The following GABRB1 variants were observed in gnomAD, a reference collection of about 807,000 sequenced individuals.
The protein encoded by GABRB1 is gamma-aminobutyric acid receptor subunit beta-1.
GABRB1 carries 17 observed loss-of-function variants against 51.6 expected under a neutral mutation model. The ratio of observed to expected loss-of-function variants is 0.33; its 90% CI spans 0.23 to 0.49. The LOEUF (loss-of-function observed/expected upper bound fraction) is 0.49, where lower values mean the gene tolerates loss of function less well. GABRB1 is among the 20% of genes least tolerant of loss of function. GABRB1 has a pLI of 0.99. For missense variants in GABRB1, 410 were observed against 600.6 expected (o/e 0.68, Z 3.32); for synonymous variants, 247 against 218.9 (o/e 1.13, Z -1.14).
intron 8 of GABRB1, among the ~76,000 whole-genome samples, chr4:47,410,113 A>C (rs1234358222): frequency 6.6e-6 from 1 of 152,256 alleles, no homozygotes; most frequent in Non-Finnish European, 1.5e-5. Context: ...GAATTAAAGG[A>C]GAACGAATAA....
At chr4:47,421,706 G>C (rs374195926) in intron 8 of GABRB1, among the ~76,000 whole-genome samples, 3 of 152,054 alleles carry the variant, frequency 2.0e-5, no homozygotes, top group Admixed American at 2.0e-4. Context: ...AAGGCCCACT[G>C]TTACAAGAAG....
intron 3 of GABRB1, among the ~76,000 whole-genome samples, chr4:47,120,434 G>A (rs1330240290): frequency 6.6e-6 from 1 of 152,132 alleles, no homozygotes; most frequent in Non-Finnish European, 1.5e-5. Flanking sequence ...CTGGAACTGG[G>A]GACTCTGAGA....
intron 1 of GABRB1, among the ~76,000 whole-genome samples, chr4:47,026,515 C>T (rs190695160): frequency 3.9e-5 from 6 of 152,086 alleles, no homozygotes; most frequent in African/African-American, 9.6e-5. Context: ...TAAATGGCAA[C>T]ACTTTTTAAA....
chr4:47,234,347 C>A (rs903369702), intron 4 of GABRB1, among the ~76,000 whole-genome samples: 2 of 151,998 alleles, frequency 1.3e-5, no homozygotes, highest in East Asian at 1.9e-4. Context: ...ATTAGCCGGG[C>A]ATGGTGGTGC....
intron 3 of GABRB1, among the ~76,000 whole-genome samples, chr4:47,106,467 C>T (rs140882414): frequency 2.0e-5 from 3 of 152,018 alleles, no homozygotes; most frequent in Admixed American, 2.0e-4. Flanking sequence ...ATATAGTTAA[C>T]TTAAGCTTCA....
intron 4 of GABRB1, among the ~76,000 whole-genome samples, chr4:47,248,134 T>G (rs574392478): frequency 1.3e-5 from 2 of 152,178 alleles, no homozygotes; most frequent in African/African-American, 4.8e-5. Context: ...ATCAGTATTA[T>G]GTTGTGGGTC....
chr4:47,107,317 A>T (rs1315854390), intron 3 of GABRB1, among the ~76,000 whole-genome samples: 1 of 152,046 alleles, frequency 6.6e-6, no homozygotes, highest in African/African-American at 2.4e-5. Context: ...ATCCTTGCTA[A>T]AACTTTTCTG....
chr4:47,219,297 C>G (rs543738059), intron 4 of GABRB1, among the ~76,000 whole-genome samples: 2 of 151,878 alleles, frequency 1.3e-5, no homozygotes. Context: ...ATGAGATAGT[C>G]GCATAAGCCT....
intron 5 of GABRB1, among the ~76,000 whole-genome samples, chr4:47,348,619 C>T (rs1218823208): frequency 1.3e-5 from 2 of 152,092 alleles, no homozygotes; most frequent in Non-Finnish European, 1.5e-5. Context: ...TGGTTCCAAA[C>T]AATTCAAATA....
chr4:47,377,945 C>T (rs1727448052), intron 5 of GABRB1, among the ~76,000 whole-genome samples: 1 of 152,202 alleles, frequency 6.6e-6, no homozygotes, highest in African/African-American at 2.4e-5. Context: ...AGGTTCTCCA[C>T]GTCCCCACCA....
chr4:47,386,631 T>C (rs904752738), intron 5 of GABRB1, among the ~76,000 whole-genome samples: 9 of 152,174 alleles, frequency 5.9e-5, no homozygotes, highest in Non-Finnish European at 1.0e-4. Context: ...AAAGCAGACC[T>C]TGTGAGTGGG....
intron 4 of GABRB1, among the ~76,000 whole-genome samples, chr4:47,166,513 ATTACT>A (rs538886183): frequency 6.6e-5 from 10 of 152,086 alleles, no homozygotes; most frequent in Admixed American, 1.3e-4. Context: ...TTTTCTCTAG[ATTACT>A]TTATTGTAAA....
At chr4:47,251,469 T>A (rs1721985126) in intron 4 of GABRB1, among the ~76,000 whole-genome samples, 2 of 152,076 alleles carry the variant, frequency 1.3e-5, no homozygotes, top group Admixed American at 6.5e-5. Context: ...GCTGGGGTAT[T>A]ATGGAGAGGA....
intron 3 of GABRB1, among the ~76,000 whole-genome samples, chr4:47,067,975 T>C (rs1727159291): frequency 6.6e-6 from 1 of 152,086 alleles, no homozygotes; most frequent in African/African-American, 2.4e-5. Context: ...TGAGAACATG[T>C]GGTGTTTTGT....
intron 8 of GABRB1, among the ~76,000 whole-genome samples, chr4:47,412,481 A>C (rs746611585): frequency 6.6e-6 from 1 of 152,216 alleles, no homozygotes; most frequent in Non-Finnish European, 1.5e-5. Flanking sequence ...ATTTTCAAAA[A>C]AAAATTTAAA....
chr4:47,211,827 C>T (rs868029994), intron 4 of GABRB1, among the ~76,000 whole-genome samples: 1 of 152,148 alleles, frequency 6.6e-6, no homozygotes, highest in Non-Finnish European at 1.5e-5. Context: ...CACTTCATGT[C>T]TTCACATCAT....
chr4:47,221,035 C>A (rs545554566), intron 4 of GABRB1, among the ~76,000 whole-genome samples: 1 of 151,944 alleles, frequency 6.6e-6, no homozygotes, highest in African/African-American at 2.4e-5. Flanking sequence ...CAATAAATTC[C>A]CCTCCTAAAT....
intron 3 of GABRB1, among the ~76,000 whole-genome samples, chr4:47,146,088 T>C (rs1717158512): frequency 6.6e-6 from 1 of 152,058 alleles, no homozygotes; most frequent in Non-Finnish European, 1.5e-5. Flanking sequence ...TTCTGCATTA[T>C]GTTTGCAGGT....
At chr4:47,367,846 C>G (rs970715526) in intron 5 of GABRB1, among the ~76,000 whole-genome samples, 3 of 152,180 alleles carry the variant, frequency 2.0e-5, no homozygotes, top group Non-Finnish European at 2.9e-5. Flanking sequence ...TACAGAAACC[C>G]CAGCCAGTTT....
Sources: gnomAD v4.1 joint callset for allele counts (sites outside exome capture counted in the v4.1 genomes callset) on GRCh38, gnomAD v4.1.1 for gene constraint, MANE v1.5 for transcripts, NCBI Gene and HGNC (gene_info 2026-07-23, HGNC 2026-07-21) for gene names.